ULK4: variants seen among roughly 807,000 people sequenced by gnomAD.
The protein encoded by ULK4 is inactive serine/threonine-protein kinase ULK4.
In ULK4, 133 loss-of-function variants were observed where a neutral mutation model predicts 160.6. The observed-to-expected ratio is 0.83, with a 90% CI of 0.72 to 0.96. ULK4 has a LOEUF of 0.96. Among genes scored for constraint, ULK4 ranks in the 40% least tolerant of loss-of-function variants. ULK4 has a pLI of 0.00. For synonymous variants in ULK4, 534 were observed against 539.8 expected (o/e 0.99, Z 0.15); for missense variants, 1,580 against 1,499.5 (o/e 1.05, Z -0.89).
At chr3:41,603,924 A>G (rs973707301) in intron 31 of ULK4, among the ~76,000 whole-genome samples, 6 of 152,116 alleles carry the variant, frequency 3.9e-5, no homozygotes, top group Admixed American at 1.3e-4. Context: ...ACTTCCCTAT[A>G]CCATAACTAT....
At chr3:41,328,555 G>A (rs1575437009) in intron 35 of ULK4, among the ~76,000 whole-genome samples, 1 of 152,170 alleles carries the variant, frequency 6.6e-6, no homozygotes, top group African/African-American at 2.4e-5. Flanking sequence ...TTAATTCTAC[G>A]TGATGCCAGT....
chr3:41,824,499 C>T (rs1245192829), intron 18 of ULK4, among the ~76,000 whole-genome samples: 3 of 152,270 alleles, frequency 2.0e-5, no homozygotes, highest in East Asian at 1.9e-4. Flanking sequence ...TCTTAGCAAA[C>T]AGCACACCAG....
chr3:41,390,303 CT>C (rs1283328640), intron 35 of ULK4, among the ~76,000 whole-genome samples: 11 of 151,960 alleles, frequency 7.2e-5, no homozygotes, highest in Admixed American at 1.3e-4. Flanking sequence ...TTTTGTTGAT[CT>C]TTTCAAAAAC....
intron 27 of ULK4, among the ~76,000 whole-genome samples, chr3:41,698,746 T>C (rs2036578101): frequency 1.3e-5 from 2 of 152,190 alleles, no homozygotes; most frequent in Non-Finnish European, 2.9e-5. Flanking sequence ...TTTCACAATA[T>C]GAACATACTC....
chr3:41,282,988 T>C (rs1174270693), intron 35 of ULK4, among the ~76,000 whole-genome samples: 1 of 152,086 alleles, frequency 6.6e-6, no homozygotes, highest in African/African-American at 2.4e-5. Flanking sequence ...TGGCAAATGA[T>C]ATGAACAGAC....
intron 29 of ULK4, among the ~76,000 whole-genome samples, chr3:41,675,068 C>A (rs970304740): frequency 6.6e-6 from 1 of 150,812 alleles, no homozygotes; most frequent in Non-Finnish European, 1.5e-5. Flanking sequence ...GGTGAAACCC[C>A]GTATCTACTA....
intron 2 of ULK4, among the ~76,000 whole-genome samples, chr3:41,939,620 T>A (rs1699888019): frequency 6.6e-6 from 1 of 152,022 alleles, no homozygotes; most frequent in Non-Finnish European, 1.5e-5. Flanking sequence ...TCCTGGTCAC[T>A]GGCAGTGGCT....
intron 27 of ULK4, among the ~76,000 whole-genome samples, chr3:41,688,273 G>A (rs1024909667): frequency 2.6e-5 from 4 of 151,182 alleles, no homozygotes; most frequent in South Asian, 2.1e-4. Context: ...AGATGGTATA[G>A]CCAAGCATGG....
At chr3:41,385,476 G>GA (rs1043228957) in intron 35 of ULK4, among the ~76,000 whole-genome samples, 6 of 151,722 alleles carry the variant, frequency 4.0e-5, no homozygotes, top group African/African-American at 1.5e-4. Flanking sequence ...ACAGATTGGA[G>GA]AAAAAAATAG....
At chr3:41,349,793 A>C (rs1338612626) in intron 35 of ULK4, among the ~76,000 whole-genome samples, 1 of 152,194 alleles carries the variant, frequency 6.6e-6, no homozygotes, top group African/African-American at 2.4e-5. Flanking sequence ...GGGTCTTGCT[A>C]TATGAAATGC....
intron 31 of ULK4, among the ~76,000 whole-genome samples, chr3:41,601,210 C>T (rs1456932666): frequency 1.3e-5 from 2 of 152,016 alleles, no homozygotes; most frequent in African/African-American, 4.8e-5. Flanking sequence ...TAAATAACGA[C>T]ATTAAAAATA....
intron 17 of ULK4, chr3:41,859,314 C>T (rs571668837): frequency 5.1e-6 from 3 of 586,268 alleles, no homozygotes; most frequent in African/African-American, 3.8e-5. Context: ...TCCTCGTGAC[C>T]TCAAAGACTG....
At chr3:41,309,875 A>T (rs548968570) in intron 35 of ULK4, among the ~76,000 whole-genome samples, 1 of 150,000 alleles carries the variant, frequency 6.7e-6, no homozygotes, top group Admixed American at 6.6e-5. Flanking sequence ...ATATATGGGT[A>T]AATCTAACCA....
intron 34 of ULK4, among the ~76,000 whole-genome samples, chr3:41,410,044 C>G (rs549992837): frequency 6.6e-6 from 1 of 151,978 alleles, no homozygotes; most frequent in East Asian, 1.9e-4. Flanking sequence ...CAGACAGTAA[C>G]AAGCAGTTGG....
chr3:41,462,197 T>G (rs2083702436), intron 33 of ULK4, among the ~76,000 whole-genome samples: 1 of 152,218 alleles, frequency 6.6e-6, no homozygotes, highest in Non-Finnish European at 1.5e-5. Context: ...ATCATAATGA[T>G]GAATAACAGA....
intron 2 of ULK4, among the ~76,000 whole-genome samples, chr3:41,953,285 C>CACATATATATATATATATAT (rs374288098): frequency 3.8e-4 from 33 of 85,874 alleles, no homozygotes; most frequent in Non-Finnish European, 6.6e-4. Flanking sequence ...CATATATACA[C>CACATATATATATATATATAT]ATATATATAT....
chr3:41,287,796 G>C (rs943899968), intron 35 of ULK4, among the ~76,000 whole-genome samples: 1 of 152,198 alleles, frequency 6.6e-6, no homozygotes, highest in Non-Finnish European at 1.5e-5. Context: ...ACACAGGAAC[G>C]AGAGTCACCC....
chr3:41,249,519 CGCAGGAGGCTGCCTGCATTCTT>C lies in ULK4; in HGVS notation c.3712_3733del (p.Lys1238GlyfsTer37). The C allele has an allele frequency of 6.2e-7, 1 of 1,614,056 alleles. No homozygotes were observed. Among genetic ancestry groups the C allele is most frequent in the Non-Finnish European group, 8.5e-7 (1 of 1,179,986 alleles). On this transcript the variant is annotated frameshift_variant, in exon 36 of 37. Transcript: ENST00000301831. LOFTEE classifies it low-confidence loss of function (END_TRUNC). The stretch of plus-strand genomic sequence containing the variant: ...CCCAGGGGCCAGCCGCTCCAGAGCC[CGCAGGAGGCTGCCTGCATTCTT>C]GAGGCTCTCCAAGTGCTTCTCATTG...
chr3:41,828,471 G>A (rs575547403), intron 18 of ULK4, among the ~76,000 whole-genome samples: 2 of 140,462 alleles, frequency 1.4e-5, no homozygotes, highest in Non-Finnish European at 3.0e-5. Context: ...CAAAATCAAT[G>A]TACAAAAATC....
Sources: gnomAD v4.1 joint callset for allele counts (sites outside exome capture counted in the v4.1 genomes callset) on GRCh38, gnomAD v4.1.1 for gene constraint, MANE v1.5 for transcripts, NCBI Gene and HGNC (gene_info 2026-07-23, HGNC 2026-07-21) for gene names.